GSE1: variants seen among roughly 807,000 people sequenced by gnomAD.
GSE1 encodes the protein genetic suppressor element 1.
GSE1 carries 32 observed loss-of-function variants against 112.6 expected under a neutral mutation model. The observed-to-expected ratio is 0.28, with a 90% CI of 0.21 to 0.38. The LOEUF (loss-of-function observed/expected upper bound fraction) is 0.38, where lower values mean the gene tolerates loss of function less well. GSE1 is among the 10% of genes least tolerant of loss of function. GSE1 has a pLI of 1.00. For missense variants in GSE1, 2,348 were observed against 1,699.2 expected, an observed-to-expected ratio of 1.38 and a Z score of -6.71; for synonymous variants, 1,115 against 735.6, an observed-to-expected ratio of 1.52 and a Z score of -8.35.
intron 3 of GSE1, 139 bp downstream of exon 3, chr16:85,648,890 T>C (rs2051102995): frequency 3.8e-6 from 2 of 526,612 alleles, no homozygotes; most frequent in Non-Finnish European, 6.6e-6. Flanking sequence ...TCCGTCTCCT[T>C]CTCTGCAACG....
At chr16:85,315,760 C>T (rs1185335436) in intron 1 of GSE1, among the ~76,000 whole-genome samples, 1 of 152,194 alleles carries the variant, frequency 6.6e-6, no homozygotes, top group South Asian at 2.1e-4. Flanking sequence ...ATACTAAAAA[C>T]GTATTCGTTG....
intron 2 of GSE1, among the ~76,000 whole-genome samples, chr16:85,388,899 TG>T (rs1329575549): frequency 6.6e-6 from 1 of 152,098 alleles, no homozygotes; most frequent in African/African-American, 2.4e-5. Flanking sequence ...TGTGGTTAGA[TG>T]GGGAATCCCC....
intron 1 of GSE1, among the ~76,000 whole-genome samples, chr16:85,618,286 ATC>A (rs2048506935): frequency 6.6e-6 from 1 of 152,066 alleles, no homozygotes; most frequent in African/African-American, 2.4e-5. Flanking sequence ...CCATGTTCTC[ATC>A]TGTAAGACGA....
chr16:85,276,823 C>A (rs1220159719), intron 1 of GSE1, among the ~76,000 whole-genome samples: 1 of 152,224 alleles, frequency 6.6e-6, no homozygotes, highest in Non-Finnish European at 1.5e-5. Context: ...GGCCCCCTGA[C>A]TCAGGAGCTT....
chr16:85,172,538 A>G (rs2074378597), intron 1 of GSE1, among the ~76,000 whole-genome samples: 1 of 152,142 alleles, frequency 6.6e-6, no homozygotes, highest in Non-Finnish European at 1.5e-5. Flanking sequence ...GGGCTCAGTT[A>G]ATTTGGGATC....
At chr16:85,293,609 C>G (rs997588816) in intron 1 of GSE1, among the ~76,000 whole-genome samples, 7 of 152,170 alleles carry the variant, frequency 4.6e-5, no homozygotes, top group Non-Finnish European at 8.8e-5. Flanking sequence ...TCTCACAGTT[C>G]TGGAGATCCG....
intron 1 of GSE1, among the ~76,000 whole-genome samples, chr16:85,273,163 C>T (rs989009057): frequency 3.3e-5 from 5 of 152,216 alleles, no homozygotes; most frequent in Non-Finnish European, 7.3e-5. Context: ...TGGGGGACCC[C>T]AGGCCAACTA....
chr16:85,234,803 G>T (rs550711912), intron 1 of GSE1, among the ~76,000 whole-genome samples: 306 of 152,326 alleles, frequency 2.0e-3, no homozygotes, highest in Non-Finnish European at 3.5e-3. Flanking sequence ...GCTGGCGGGT[G>T]GGGTGGAGGC....
In GSE1 at chr16:85,478,899, C is replaced by CT. The variant is rs752084590; in HGVS notation, c.2464+121259dup. Among the ~76,000 whole-genome samples, 11 of 76,568 alleles carry CT rather than the reference C, an allele frequency of 1.4e-4. 1 individual carries two copies. Among genetic ancestry groups the CT allele is most frequent in the African/African-American group, 7.2e-4 (11 of 15,346 alleles). 50.2% of individuals were successfully genotyped at this position (76,568 alleles called of 152,430 possible). A position where few individuals can be genotyped will look rare whatever the true frequency, so the allele number is the denominator to read the frequency against. Reference sequence around the variant, plus strand: ...TCTTTCTTTCTTTCTTTCTTTCTTTCTTTCTTTCTTTCTTTCTTTCTTTCT... The same window carrying CT: ...TCTTTCTTTCTTTCTTTCTTTCTTTCTTTTCTTTCTTTCTTTCTTTCTTTCT... On this transcript the variant is annotated intron_variant, in intron 2 of 2. Coordinates refer to the GSE1 transcript ENST00000637419.
rs74034720 is a variant in GSE1 at position 85,424,326 on chromosome 16, C to T, written c.2464+66683C>T. Among the ~76,000 whole-genome samples the T allele has an allele frequency of 4.1e-3, 628 of 152,340 alleles. 4 individuals are homozygous for T. Among genetic ancestry groups the T allele is most frequent in the African/African-American group, 0.014 (599 of 41,584 alleles). ...AGGTTCTTGGCGACGGCAGGGTCGC[C>T]GCTTAAAACATTTCACCTGTTCGGC... is the stretch of plus-strand genomic sequence containing the variant. On this transcript the variant is annotated intron_variant, in intron 2 of 2. Coordinates refer to the GSE1 transcript ENST00000637419.
chr16:85,414,353 T>C (rs2048655554), intron 2 of GSE1, among the ~76,000 whole-genome samples: 1 of 152,222 alleles, frequency 6.6e-6, no homozygotes, highest in South Asian at 2.1e-4. Flanking sequence ...CAACCCACAA[T>C]ATGGATTTCA....
intron 2 of GSE1, among the ~76,000 whole-genome samples, chr16:85,460,426 GACGCTGGA>G (rs1353514040): frequency 6.6e-6 from 1 of 152,226 alleles, no homozygotes; most frequent in Non-Finnish European, 1.5e-5. Flanking sequence ...TCAAGAGAGG[GACGCTGGA>G]CGATTTGGCC....
chr16:85,627,087 G>A (rs1467166176), intron 1 of GSE1, among the ~76,000 whole-genome samples: 7 of 42,392 alleles, frequency 1.7e-4, no homozygotes, highest in Non-Finnish European at 2.5e-4. Context: ...AAAGCATTGT[G>A]CTGCTTCTGA....
At chr16:85,357,980 A>G (rs1597476905) in intron 2 of GSE1, among the ~76,000 whole-genome samples, 1 of 152,050 alleles carries the variant, frequency 6.6e-6, no homozygotes, top group African/African-American at 2.4e-5. Context: ...TCTTGAGCCC[A>G]GAGGGGGTCG....
rs530610779 is a variant in GSE1 at position 85,207,576 on chromosome 16, A to G, written c.2283+35769A>G. ...GGCAGGAGATCTTCTCAGAGCCTGC[A>G]GCCCCTTCATGAATCCCCTGCAGGC... On this transcript the variant is annotated intron_variant, in intron 1 of 2. Coordinates refer to the GSE1 transcript ENST00000637419. Among the ~76,000 whole-genome samples, 4 of 150,896 alleles carry G rather than the reference A, an allele frequency of 2.7e-5. No individual in the cohort carries two copies. In the East Asian group the frequency reaches 7.8e-4, roughly 30 times the overall value.
intron 1 of GSE1, among the ~76,000 whole-genome samples, chr16:85,202,060 TGGC>T: frequency 6.6e-6 from 1 of 152,166 alleles, no homozygotes; most frequent in East Asian, 1.9e-4. Flanking sequence ...TGGTGGGTGG[TGGC>T]GGGCCTTAGC....
At chr16:85,606,633 A>G (rs2047714995), upstream of GSE1, among the ~76,000 whole-genome samples, 2 of 152,196 alleles carry the variant, frequency 1.3e-5, no homozygotes, top group Admixed American at 1.3e-4. Context: ...AGCCAGGCCC[A>G]CCACCAGGGT....
intron 2 of GSE1, among the ~76,000 whole-genome samples, chr16:85,420,829 C>T (rs927437763): frequency 2.0e-5 from 3 of 152,126 alleles, no homozygotes; most frequent in Non-Finnish European, 2.9e-5. Context: ...GCAGGGCACC[C>T]GGCCGCAGCC....
At chr16:85,182,731 C>G (rs1405430121) in intron 1 of GSE1, among the ~76,000 whole-genome samples, 1 of 152,084 alleles carries the variant, frequency 6.6e-6, no homozygotes, top group Non-Finnish European at 1.5e-5. Flanking sequence ...GGAGGCAGGC[C>G]AAGCCAACAG....
Sources: gnomAD v4.1 joint callset for allele counts (sites outside exome capture counted in the v4.1 genomes callset) on GRCh38, gnomAD v4.1.1 for gene constraint, MANE v1.5 for transcripts, NCBI Gene and HGNC (gene_info 2026-07-23, HGNC 2026-07-21) for gene names.